Variants in SBF2 observed in about 807,000 individuals in gnomAD.
SBF2 encodes the protein myotubularin-related protein 13.
Under a neutral mutation model 225.2 loss-of-function variants are expected in SBF2, and 112 were observed. The observed-to-expected ratio is 0.50, with a 90% confidence interval of 0.43 to 0.58. The LOEUF is 0.58. SBF2 is among the 20% of genes least tolerant of loss of function. The pLI, the probability that SBF2 is intolerant of heterozygous loss-of-function variation, is 0.00. For missense variants in SBF2, 1,996 were observed against 2,206.2 expected, an observed-to-expected ratio of 0.90 and a Z score of 1.91; for synonymous variants, 763 against 773.3, an observed-to-expected ratio of 0.99 and a Z score of 0.22.
chr11:9,944,284 G>A (rs1411535096), intron 16 of SBF2, among the ~76,000 whole-genome samples: 2 of 152,192 alleles, frequency 1.3e-5, no homozygotes, highest in African/African-American at 4.8e-5. Context: ...TTGCAGTATA[G>A]CTCTGAAGGA....
At chr11:9,869,569 T>C (rs970293054) in intron 17 of SBF2, among the ~76,000 whole-genome samples, 1 of 152,186 alleles carries the variant, frequency 6.6e-6, no homozygotes, top group Non-Finnish European at 1.5e-5. Context: ...ATAAATGTGA[T>C]ATATCTCATA....
At chr11:9,946,820 A>G (rs1216497937) in intron 16 of SBF2, among the ~76,000 whole-genome samples, 3 of 152,224 alleles carry the variant, frequency 2.0e-5, no homozygotes, top group Non-Finnish European at 4.4e-5. Flanking sequence ...ACTAGGTAAG[A>G]TACTATTTTA....
At chr11:9,863,754 C>CT (rs57525886) in intron 17 of SBF2, among the ~76,000 whole-genome samples, 1,616 of 141,674 alleles carry the variant, frequency 0.011, 34 homozygotes, top group African/African-American at 0.037. Context: ...CCCTCTCTCT[C>CT]TTTTTTTTTT....
At chr11:9,908,905 C>G (rs1427256289) in intron 16 of SBF2, among the ~76,000 whole-genome samples, 4 of 147,662 alleles carry the variant, frequency 2.7e-5, no homozygotes, top group Non-Finnish European at 5.9e-5. Flanking sequence ...TCAGGCTGGT[C>G]TTGAACTCCT....
intron 2 of SBF2, among the ~76,000 whole-genome samples, chr11:10,084,774 T>C (rs1474641400): frequency 6.6e-6 from 1 of 152,214 alleles, no homozygotes; most frequent in Non-Finnish European, 1.5e-5. Flanking sequence ...TAATCATGTA[T>C]TTTACAGCAA....
chr11:9,959,193 T>G, intron 16 of SBF2: 1 of 794,562 alleles, frequency 1.3e-6, no homozygotes, highest in Non-Finnish European at 2.3e-6. Flanking sequence ...AGGGTCCGAT[T>G]TGGAATTTCC....
In SBF2 at chr11:9,913,026, C is replaced by T. The variant is rs373460383; in HGVS notation, c.1861-17015G>A. ...ACCGTGCTGGGTGTGGTGGTTCACA[C>T]CCGTAACCCCATTTTGGGAGGCTGA... is the stretch of plus-strand genomic sequence containing the variant. On this transcript the variant is annotated intron_variant, in intron 16 of 39. Transcript: ENST00000256190. 4.1e-4 allele frequency among the ~76,000 whole-genome samples: 62 copies of T among 152,264 alleles called. No individual in the cohort carries two copies. The South Asian group carries it at 7.3e-3, about 18-fold the overall frequency.
At chr11:10,173,300 C>A (rs1027808654) in intron 2 of SBF2, among the ~76,000 whole-genome samples, 1 of 152,258 alleles carries the variant, frequency 6.6e-6, no homozygotes, top group African/African-American at 2.4e-5. Flanking sequence ...TCAGTGGGTG[C>A]GTGCACCGTG....
At chr11:9,959,734 A>G (rs932507236) in intron 16 of SBF2, 11 of 683,884 alleles carry the variant, frequency 1.6e-5, no homozygotes, top group Non-Finnish European at 2.5e-5. Flanking sequence ...AGGTAGGGAC[A>G]TGTACACCTG....
intron 2 of SBF2, among the ~76,000 whole-genome samples, chr11:10,063,887 A>AG (rs1555007029): frequency 6.6e-6 from 1 of 151,738 alleles, no homozygotes; most frequent in South Asian, 2.1e-4. Flanking sequence ...AGAGAAAACG[A>AG]AAAGAGAATC....
chr11:10,115,404 A>G lies in SBF2; in HGVS notation c.142-72423T>C, dbSNP rs182452872. On this transcript the variant is annotated intron_variant, in intron 2 of 39. Transcript: ENST00000256190. ...GTAAATTCAAAAAATGGTGTCTTCC[A>G]TGTATTCCTTGCAACCACCCTGGGA... 2.5e-4 allele frequency among the ~76,000 whole-genome samples: 38 copies of G among 152,338 alleles called. No individual in the cohort carries two copies. The Middle Eastern group carries it at 0.01, about 41-fold the overall frequency.
At chr11:10,081,004 A>G (rs1222937510) in intron 2 of SBF2, among the ~76,000 whole-genome samples, 3 of 152,196 alleles carry the variant, frequency 2.0e-5, no homozygotes, top group South Asian at 2.1e-4. Context: ...TAGCAATACA[A>G]TACTAGTGGG....
At chr11:9,820,889 G>A (rs10770068) in intron 28 of SBF2, among the ~76,000 whole-genome samples, 78,680 of 152,064 alleles carry the variant, frequency 0.52, 22,950 homozygotes, top group Non-Finnish European at 0.66. Context: ...TAAACAAACA[G>A]CTACAGTTAA....
intron 32 of SBF2, among the ~76,000 whole-genome samples, chr11:9,799,754 C>T (rs545256193): frequency 1.0e-3 from 153 of 152,312 alleles, no homozygotes; most frequent in African/African-American, 3.5e-3. Context: ...ATCATACTTT[C>T]TCCATTGAGT....
chr11:10,160,884 C>G (rs1220093402), intron 2 of SBF2, among the ~76,000 whole-genome samples: 1 of 152,086 alleles, frequency 6.6e-6, no homozygotes, highest in East Asian at 1.9e-4. Context: ...CCACTTCCTC[C>G]ATAAAATCTT....
rs188770951 is a variant in SBF2 at position 9,980,680 on chromosome 11, G to A, written c.1395+8817C>T. On this transcript the variant is annotated intron_variant, in intron 13 of 39. Coordinates refer to ENST00000256190, the MANE Select transcript of SBF2 (RefSeq NM_030962.4). ...CGGCTTACTGCAAGCTCCGGTTCACGCCATTCTCCTGCCTCAGCCTCCGGA... is the reference window on the plus strand; with the variant it reads ...CGGCTTACTGCAAGCTCCGGTTCACACCATTCTCCTGCCTCAGCCTCCGGA... Among the ~76,000 whole-genome samples the A allele has an allele frequency of 4.3e-4, 65 of 151,842 alleles. 1 individual carries two copies. Among genetic ancestry groups the A allele is most frequent in the African/African-American group, 1.3e-3 (52 of 41,404 alleles).
At chr11:9,839,274 G>C (rs978269042) in intron 26 of SBF2, 2 of 551,040 alleles carry the variant, frequency 3.6e-6, no homozygotes, top group Non-Finnish European at 3.2e-6. Flanking sequence ...AAATTCATAG[G>C]GGGTGAGTAC....
chr11:10,106,018 T>C (rs1297983367), intron 2 of SBF2, among the ~76,000 whole-genome samples: 2 of 152,328 alleles, frequency 1.3e-5, no homozygotes, highest in East Asian at 1.9e-4. Flanking sequence ...CAAATGTGTG[T>C]AGTTTTATTT....
At chr11:10,093,804 G>A (rs750069655) in intron 2 of SBF2, among the ~76,000 whole-genome samples, 2 of 152,126 alleles carry the variant, frequency 1.3e-5, no homozygotes, top group African/African-American at 2.4e-5. Context: ...GTAGTGGAGC[G>A]AAATCTTGAA....
Sources: allele counts gnomAD v4.1 joint callset (sites outside exome capture counted in the v4.1 genomes callset), GRCh38; gene constraint gnomAD v4.1.1; transcripts MANE v1.5; gene names NCBI Gene and HGNC (gene_info 2026-07-23, HGNC 2026-07-21).